Variants in LAMC3 observed in about 807,000 individuals in gnomAD.
LAMC3 encodes laminin subunit gamma-3.
A neutral mutation model predicts 173.8 loss-of-function variants in LAMC3; 128 were observed. The ratio of observed to expected loss-of-function variants is 0.74; its 90% CI spans 0.64 to 0.85. The LOEUF (loss-of-function observed/expected upper bound fraction) is 0.85. LAMC3 is among the 40% of genes least tolerant of loss of function. The probability of loss-of-function intolerance (pLI) is 0.00; values close to 1 mark genes in which losing one functional copy is unlikely to be tolerated. For synonymous variants in LAMC3, 897 were observed against 909.1 expected, an observed-to-expected ratio of 0.99 and a Z score of 0.24; for missense variants, 2,022 against 2,156.0, an observed-to-expected ratio of 0.94 and a Z score of 1.23.
At chr9:131,048,550 C>T (rs1039637447) in intron 8 of LAMC3, among the ~76,000 whole-genome samples, 1 of 152,122 alleles carries the variant, frequency 6.6e-6, no homozygotes, top group African/African-American at 2.4e-5. Context: ...GGGCTGTGCT[C>T]CGTGTTAACT....
chr9:131,031,794 C>T (rs1833828947), intron 2 of LAMC3, among the ~76,000 whole-genome samples: 1 of 152,212 alleles, frequency 6.6e-6, no homozygotes, highest in Non-Finnish European at 1.5e-5. Flanking sequence ...TTCCAATTCA[C>T]AGATGGGAAA....
chr9:131,020,420 C>T (rs1833605336), intron 1 of LAMC3, among the ~76,000 whole-genome samples: 1 of 152,212 alleles, frequency 6.6e-6, no homozygotes, highest in African/African-American at 2.4e-5. Context: ...CATCACAGCC[C>T]TCCCATCTTG....
chr9:131,032,493 GCTCT>G (rs1201707444), intron 3 of LAMC3, among the ~76,000 whole-genome samples: 10 of 104,756 alleles, frequency 9.5e-5, no homozygotes, highest in Middle Eastern at 4.9e-3. Context: ...TCTCGCTCTC[GCTCT>G]CTCTCACTCG....
At chr9:131,014,829 A>C (rs1393362972) in intron 1 of LAMC3, among the ~76,000 whole-genome samples, 1 of 152,172 alleles carries the variant, frequency 6.6e-6, no homozygotes, top group African/African-American at 2.4e-5. Flanking sequence ...ATAGAAATGA[A>C]AAAATTAGCC....
intron 13 of LAMC3, among the ~76,000 whole-genome samples, chr9:131,061,522 T>G (rs1253071737): frequency 6.6e-6 from 1 of 152,162 alleles, no homozygotes; most frequent in Non-Finnish European, 1.5e-5. Context: ...GCTGAACAAG[T>G]TCCCTGGGTG....
Position 131,069,804 on chromosome 9 carries a change from C to T in LAMC3, c.3023C>T (p.Thr1008Ile). Reference sequence around the variant, plus strand: ...AACTTCTTCCTCACGGCAGACGGCACACACTGCCAGCAATGTCCGTCCTGC... The same window carrying T: ...AACTTCTTCCTCACGGCAGACGGCATACACTGCCAGCAATGTCCGTCCTGC... ...HDNFFLTADGTHCQQCPSCYA... is the reference protein window; with the variant it reads ...HDNFFLTADGIHCQQCPSCYA... The change falls in exon 17 of 28, where the codon ACA (threonine) becomes ATA (isoleucine). Residue 1008 changes from threonine to isoleucine, a missense_variant. By Grantham distance (89) the Thr-to-Ile change is moderately conservative. Coordinates refer to ENST00000361069, the MANE Select transcript of LAMC3 (RefSeq NM_006059.4). 2 of 1,594,902 alleles carry T rather than the reference C, an allele frequency of 1.3e-6. No homozygotes were observed. The highest frequency in any genetic ancestry group is 1.7e-6 in the Non-Finnish European group (2 of 1,170,654).
intron 12 of LAMC3, among the ~76,000 whole-genome samples, chr9:131,060,365 C>T (rs377481022): frequency 5.3e-5 from 8 of 152,238 alleles, no homozygotes; most frequent in Non-Finnish European, 7.4e-5. Flanking sequence ...CAGTGCTGGC[C>T]GGGCACGGTG....
chr9:131,057,826 C>G (rs1048340909), intron 12 of LAMC3, among the ~76,000 whole-genome samples: 1 of 152,226 alleles, frequency 6.6e-6, no homozygotes, highest in Non-Finnish European at 1.5e-5. Flanking sequence ...CTTAGGGAAG[C>G]GCAGATAATG....
In LAMC3 at chr9:131,026,141, G is replaced by A; in HGVS notation, c.374-144G>A. On this transcript the variant is annotated intron_variant, in intron 1 of 27. Transcript: ENST00000361069. This position sits in a 1 kb window ranked among gnomAD's most constrained non-coding sequence, Gnocchi z 4.8. ...CCCCAGCAGGCATCATGAATGGAGGGTGGCTTCCCCTGTCCAGAGCTCCAG... is the reference window on the plus strand; with the variant it reads ...CCCCAGCAGGCATCATGAATGGAGGATGGCTTCCCCTGTCCAGAGCTCCAG... 8 of 1,495,358 alleles carry A rather than the reference G, an allele frequency of 5.3e-6. No individual in the cohort carries two copies. Among genetic ancestry groups the A allele is most frequent in the Non-Finnish European group, 7.2e-6 (8 of 1,109,448 alleles). The allele number at this position is 1,495,358 out of a possible 1,614,324, so 92.6% of individuals were successfully genotyped here.
intron 14 of LAMC3, 94 bp downstream of exon 14, chr9:131,067,299 A>G: frequency 6.5e-7 from 1 of 1,529,050 alleles, no homozygotes; most frequent in Non-Finnish European, 9.0e-7. Flanking sequence ...TGAGGAACCC[A>G]CCAGAACCAG....
intron 27 of LAMC3, among the ~76,000 whole-genome samples, chr9:131,091,165 G>A (rs745424496): frequency 1.3e-5 from 2 of 152,232 alleles, no homozygotes; most frequent in South Asian, 4.1e-4. Flanking sequence ...TCAGTGAATT[G>A]AGCCAGCATG....
intron 17 of LAMC3, among the ~76,000 whole-genome samples, chr9:131,071,272 G>A (rs558802029): frequency 6.6e-6 from 1 of 152,256 alleles, no homozygotes; most frequent in East Asian, 1.9e-4. Flanking sequence ...GGTGTCGGCA[G>A]GTGCCGTGAG....
chr9:131,017,172 G>A (rs1376615917), intron 1 of LAMC3, among the ~76,000 whole-genome samples: 4 of 152,186 alleles, frequency 2.6e-5, no homozygotes, highest in Admixed American at 6.5e-5. Context: ...GATGCTGTGC[G>A]CGGGCTGCTG....
chr9:131,060,645 CTAA>C (rs10597678), intron 12 of LAMC3, among the ~76,000 whole-genome samples: 64 of 150,226 alleles, frequency 4.3e-4, no homozygotes, highest in African/African-American at 7.8e-4. Context: ...TCTGTCTCAA[CTAA>C]TAATAATAAT....
In LAMC3 at chr9:131,030,585, A is replaced by C. The variant is rs530103639; in HGVS notation, c.679-1460A>C. Among the ~76,000 whole-genome samples the C allele has an allele frequency of 1.1e-4, 16 of 152,308 alleles. 1 individual carries two copies. The highest frequency in any genetic ancestry group is 6.8e-3 in the Middle Eastern group (2 of 294). ...TGGAACAGAAGGGTTACCCTCTCTG[A>C]GCTTCAGTCTCCTCATCTTTAAATG... On this transcript the variant is annotated intron_variant, in intron 2 of 27. Coordinates refer to ENST00000361069, the MANE Select transcript of LAMC3 (RefSeq NM_006059.4).
chr9:131,030,050 C>G (rs1185246622), intron 2 of LAMC3, among the ~76,000 whole-genome samples: 1 of 151,804 alleles, frequency 6.6e-6, no homozygotes, highest in Non-Finnish European at 1.5e-5. Flanking sequence ...AAGCAATTCT[C>G]TTGCCTCAGC....
Position 131,072,917 on chromosome 9 carries a change from C to T in LAMC3, c.3417+82C>T, listed in dbSNP as rs539911078. The T allele has an allele frequency of 6.7e-6, 9 of 1,335,402 alleles. No individual in the cohort carries two copies. In the African/African-American group the frequency reaches 8.7e-5, roughly 13 times the overall value. 82.7% of individuals were successfully genotyped at this position (1,335,402 alleles called of 1,614,324 possible). A position where few individuals can be genotyped will look rare whatever the true frequency, so the allele number is the denominator to read the frequency against. ...CCAGCCCTCCCATTGACCTGGTGAC[C>T]TTGGGTATGACTCCCCACTTTGGGA... is the stretch of plus-strand genomic sequence containing the variant. On this transcript the variant is annotated intron_variant, in intron 19 of 27. Transcript: ENST00000361069.
intron 25 of LAMC3, 113 bp from the exon 26 acceptor site, chr9:131,087,363 A>G: frequency 7.5e-7 from 1 of 1,339,480 alleles, no homozygotes; most frequent in Non-Finnish European, 1.1e-6. Flanking sequence ...GAATGAATGA[A>G]TGATCTGCCT....
At chr9:131,071,684 A>T (rs1830039313) in intron 18 of LAMC3, 59 bp downstream of exon 18, 1 of 1,487,518 alleles carries the variant, frequency 6.7e-7, no homozygotes, top group African/African-American at 1.4e-5. Context: ...CAGCGCCTGC[A>T]GTCTGGTGTC....
Sources: allele counts gnomAD v4.1 joint callset (sites outside exome capture counted in the v4.1 genomes callset), GRCh38; gene constraint gnomAD v4.1.1; non-coding constraint Gnocchi (gnomAD v3.1); transcripts MANE v1.5; gene names NCBI Gene and HGNC (gene_info 2026-07-23, HGNC 2026-07-21).